The following KIF4A variants were observed in gnomAD, a reference collection of about 807,000 sequenced individuals.
KIF4A encodes the protein chromosome-associated kinesin KIF4A.
A neutral mutation model predicts 105.9 loss-of-function variants in KIF4A; 7 were observed. That is an observed-to-expected ratio of 0.07 (90% CI 0.04 to 0.12). The LOEUF (loss-of-function observed/expected upper bound fraction) is 0.12. Ranked by LOEUF, KIF4A falls within the 10% of genes least tolerant of loss-of-function variation. KIF4A has a pLI of 1.00. For missense variants in KIF4A, 558 were observed against 929.2 expected, an observed-to-expected ratio of 0.60 and a Z score of 5.19; for synonymous variants, 281 against 331.3, an observed-to-expected ratio of 0.85 and a Z score of 1.65.
intron 28 of KIF4A, chrX:70,415,607 CA>C (rs59326448): frequency 4.7e-4 from 38 of 80,484 alleles, no homozygotes; most frequent in South Asian, 1.4e-3. Flanking sequence ...ACCCTGTCTC[CA>C]AAAAAAAAAA....
At position 70,361,125 on chromosome X, in the gene KIF4A, A is replaced by G. The variant is rs191269781; in HGVS notation, c.1674+7318A>G. On this transcript the variant is annotated intron_variant, in intron 15 of 30. Transcript: ENST00000374403. The stretch of plus-strand genomic sequence containing the variant: ...CGTGGGCTCCAGAGCTCTCAGCTCC[A>G]GGCACCCCTGCCTGCCCCGCTTCGA... 3.1e-3 allele frequency among the ~76,000 whole-genome samples: 348 copies of G among 113,016 alleles called. 2 individuals are homozygous for G. The highest frequency in any genetic ancestry group is 0.011 in the African/African-American group (340 of 31,214).
chrX:70,366,079 C>T (rs1215036283), intron 15 of KIF4A, among the ~76,000 whole-genome samples: 2 of 111,552 alleles, frequency 1.8e-5, no homozygotes, highest in Middle Eastern at 4.6e-3. Flanking sequence ...TCTGTGGGAT[C>T]GGCGGTGATA....
intron 7 of KIF4A, among the ~76,000 whole-genome samples, chrX:70,304,670 T>G (rs2147662060): frequency 1.0e-5 from 1 of 96,722 alleles, no homozygotes; most frequent in Non-Finnish European, 2.1e-5. Context: ...TTTTTTTTTT[T>G]TTGAGAGAGA....
At chrX:70,369,118 A>G (rs1456236306) in intron 15 of KIF4A, among the ~76,000 whole-genome samples, 1 of 112,080 alleles carries the variant, frequency 8.9e-6, no homozygotes, top group African/African-American at 3.2e-5. Flanking sequence ...TTAGGGTCGG[A>G]GTGACCCGAT....
At chrX:70,374,575 T>C (rs1402018121) in intron 16 of KIF4A, among the ~76,000 whole-genome samples, 1 of 111,812 alleles carries the variant, frequency 8.9e-6, no homozygotes, top group Non-Finnish European at 1.9e-5. Flanking sequence ...AGTTAGCATT[T>C]GAGCTGGCTT....
chrX:70,418,472 T>A (rs2086353278), intron 29 of KIF4A, among the ~76,000 whole-genome samples: 1 of 111,493 alleles, frequency 9.0e-6, no homozygotes, highest in Non-Finnish European at 1.9e-5. Flanking sequence ...CAGCTAGCTA[T>A]TCCATGGCTC....
At chrX:70,338,814 G>A (rs1040175650) in intron 10 of KIF4A, among the ~76,000 whole-genome samples, 4 of 111,597 alleles carry the variant, frequency 3.6e-5, no homozygotes, top group African/African-American at 1.3e-4. Context: ...AGCCGGGCGC[G>A]GTGGCTCATG....
intron 23 of KIF4A, among the ~76,000 whole-genome samples, 175 bp from the exon 24 acceptor site, chrX:70,403,689 T>C (rs2086290019): frequency 8.9e-6 from 1 of 112,334 alleles, no homozygotes; most frequent in African/African-American, 3.2e-5. Context: ...AGAACAATAG[T>C]ATATTTACTA....
Position 70,371,105 on chromosome X carries a change from A to AGGGC in KIF4A, c.1675-3044_1675-3041dup, listed in dbSNP as rs772651976. Among the ~76,000 whole-genome samples the AGGGC allele has an allele frequency of 1.8e-3, 204 of 110,770 alleles. 2 individuals are homozygous for AGGGC. Among genetic ancestry groups the AGGGC allele is most frequent in the Middle Eastern group, 4.6e-3 (1 of 217 alleles). On this transcript the variant is annotated intron_variant, in intron 15 of 30. Coordinates refer to ENST00000374403, the MANE Select transcript of KIF4A (RefSeq NM_012310.5). ...ATTCGTGTCAGTCTAATACTGGTCT[A>AGGGC]GGGCGTGCATATAATCTTCTTGGCT...
chrX:70,343,450 C>CT (rs1288840252), intron 11 of KIF4A, among the ~76,000 whole-genome samples: 3 of 111,499 alleles, frequency 2.7e-5, no homozygotes, highest in Admixed American at 9.6e-5. Context: ...ACCCCATAGT[C>CT]TGAGTTTCAT....
intron 18 of KIF4A, among the ~76,000 whole-genome samples, chrX:70,385,801 G>A (rs2086215510): frequency 8.9e-6 from 1 of 112,231 alleles, no homozygotes; most frequent in Admixed American, 9.5e-5. Flanking sequence ...ATACCCCATA[G>A]TATTTCTTGG....
chrX:70,344,853 G>T (rs2085985940), intron 13 of KIF4A, among the ~76,000 whole-genome samples: 1 of 111,749 alleles, frequency 8.9e-6, no homozygotes, highest in Non-Finnish European at 1.9e-5. Context: ...ATTTATTCTT[G>T]AAGAGAATAT....
chrX:70,398,162 C>T (rs765324368), intron 22 of KIF4A, among the ~76,000 whole-genome samples: 1 of 111,775 alleles, frequency 8.9e-6, no homozygotes, highest in Non-Finnish European at 1.9e-5. Context: ...CTCAGCCTCC[C>T]AAGTAGCTGG....
intron 8 of KIF4A, 112 bp from the exon 9 acceptor site, chrX:70,330,045 A>T (rs1474820655): frequency 1.7e-6 from 1 of 584,616 alleles, no homozygotes; most frequent in Non-Finnish European, 2.7e-6. Context: ...AACACTAAGA[A>T]CTTTTTCTTA....
At chrX:70,388,684 G>T (rs1036467563) in intron 20 of KIF4A, among the ~76,000 whole-genome samples, 6 of 111,729 alleles carry the variant, frequency 5.4e-5, no homozygotes, top group African/African-American at 1.9e-4. Flanking sequence ...TTTGCCATAT[G>T]TATGTTTTCT....
Position 70,404,106 on chromosome X carries a change from A to AG in KIF4A, c.2790+73dup, listed in dbSNP as rs2086291608. The stretch of plus-strand genomic sequence containing the variant: ...CTTGTATTGTTAGTTTTAAAAAAAA[A>AG]GTGGGGATATGAAATTTCTTTCAAA... On this transcript the variant is annotated intron_variant, in intron 24 of 30. Coordinates refer to ENST00000374403, the MANE Select transcript of KIF4A (RefSeq NM_012310.5). 161 of 1,104,438 alleles carry AG rather than the reference A, an allele frequency of 1.5e-4. No homozygotes were observed. In the South Asian group the frequency reaches 3.1e-3, roughly 22 times the overall value. The allele number at this position is 1,104,438 out of a possible 1,213,427, so 91.0% of individuals were successfully genotyped here.
At chrX:70,338,280 A>G in intron 10 of KIF4A, among the ~76,000 whole-genome samples, 1 of 111,728 alleles carries the variant, frequency 9.0e-6, no homozygotes, top group Non-Finnish European at 1.9e-5. Flanking sequence ...CCATCACCCC[A>G]AAAAGTTTCC....
At position 70,391,055 on chromosome X, in the gene KIF4A, C is replaced by T. The variant is rs147244102; in HGVS notation, c.2232+3758C>T. 9.7e-3 allele frequency among the ~76,000 whole-genome samples: 1,084 copies of T among 111,525 alleles called. 11 individuals carry two copies. The highest frequency in any genetic ancestry group is 0.033 in the African/African-American group (1,022 of 30,695). On this transcript the variant is annotated intron_variant, in intron 20 of 30. Coordinates refer to ENST00000374403, the MANE Select transcript of KIF4A (RefSeq NM_012310.5). ...TCTTTTCCTTAGGTTTTGGCAATTACGAATAAAGCTGCTGTTAAAAACACA... is the reference window on the plus strand; with the variant it reads ...TCTTTTCCTTAGGTTTTGGCAATTATGAATAAAGCTGCTGTTAAAAACACA...
chrX:70,351,516 A>G (rs1215205484), intron 13 of KIF4A, among the ~76,000 whole-genome samples: 5 of 111,165 alleles, frequency 4.5e-5, no homozygotes, highest in Non-Finnish European at 9.4e-5. Flanking sequence ...TGTGACTATT[A>G]CTATTCCAGT....
Sources: gnomAD v4.1 joint callset for allele counts (sites outside exome capture counted in the v4.1 genomes callset) on GRCh38, gnomAD v4.1.1 for gene constraint, MANE v1.5 for transcripts, NCBI Gene and HGNC (gene_info 2026-07-23, HGNC 2026-07-21) for gene names.